The following GAD2 variants were observed in gnomAD, a reference collection of about 807,000 sequenced individuals.
GAD2 encodes the protein 65 kDa glutamic acid decarboxylase.
A neutral mutation model predicts 80.1 loss-of-function variants in GAD2; 22 were observed. That is an observed-to-expected ratio of 0.27 (90% CI 0.20 to 0.39). The LOEUF (loss-of-function observed/expected upper bound fraction) is 0.39. Among genes scored for constraint, GAD2 ranks in the 10% least tolerant of loss-of-function variants. The probability of loss-of-function intolerance (pLI) is 1.00; values close to 1 mark genes in which losing one functional copy is unlikely to be tolerated. For synonymous variants in GAD2, 274 were observed against 256.9 expected, an observed-to-expected ratio of 1.07 and a Z score of -0.64; for missense variants, 624 against 738.4, an observed-to-expected ratio of 0.85 and a Z score of 1.80.
At chr10:26,245,680 G>A (rs113180693) in intron 7 of GAD2, among the ~76,000 whole-genome samples, 2 of 151,982 alleles carry the variant, frequency 1.3e-5, no homozygotes, top group Non-Finnish European at 2.9e-5. Context: ...CTGACCTTGT[G>A]ATCTGCCTGC....
At chr10:26,296,305 G>A (rs1834272889) in intron 15 of GAD2, among the ~76,000 whole-genome samples, 1 of 152,142 alleles carries the variant, frequency 6.6e-6, no homozygotes, top group Non-Finnish European at 1.5e-5. Context: ...TCAGTCTATA[G>A]CAAATACCTT....
Position 26,298,805 on chromosome 10 carries a change from A to G in GAD2, c.1585-1983A>G, listed in dbSNP as rs117711432. Among the ~76,000 whole-genome samples, 1,417 of 152,326 alleles carry G rather than the reference A, an allele frequency of 9.3e-3. 15 individuals carry two copies. The highest frequency in any genetic ancestry group is 0.016 in the Non-Finnish European group (1,079 of 68,026). On this transcript the variant is annotated intron_variant, in intron 15 of 15. Coordinates refer to ENST00000376261, the MANE Select transcript of GAD2 (RefSeq NM_001134366.2). ...TGAGATTTATCTTCGCAGGAACCAC[A>G]TTGACTTGACACGCCTCACAACACA...
chr10:26,220,286 A>G (rs1004936714), intron 4 of GAD2, among the ~76,000 whole-genome samples: 11 of 152,206 alleles, frequency 7.2e-5, no homozygotes, highest in African/African-American at 2.7e-4. Context: ...AAAAAATGTG[A>G]AATATGACAT....
intron 3 of GAD2, 65 bp from the exon 4 acceptor site, chr10:26,218,978 C>T: frequency 4.0e-6 from 5 of 1,245,854 alleles, no homozygotes; most frequent in South Asian, 1.7e-5. Context: ...ATTGCCTCAT[C>T]AAGATCTTGC....
chr10:26,284,628 G>A (rs11594128), intron 12 of GAD2, among the ~76,000 whole-genome samples: 32,444 of 143,924 alleles, frequency 0.23, 3,936 homozygotes, highest in African/African-American at 0.32. Flanking sequence ...CTGAAGTGCA[G>A]TGATGTGATC....
chr10:26,299,249 G>A (rs1356819576), intron 15 of GAD2, among the ~76,000 whole-genome samples: 2 of 152,192 alleles, frequency 1.3e-5, no homozygotes, highest in African/African-American at 4.8e-5. Flanking sequence ...ATAAACCAAT[G>A]ATTATTTAAG....
intron 4 of GAD2, among the ~76,000 whole-genome samples, chr10:26,221,329 G>T (rs565027241): frequency 6.6e-6 from 1 of 152,358 alleles, no homozygotes; most frequent in East Asian, 1.9e-4. Flanking sequence ...GCTTAGAGAG[G>T]AGTGAAGGGC....
intron 12 of GAD2, among the ~76,000 whole-genome samples, chr10:26,281,497 C>G (rs1845271720): frequency 6.6e-6 from 1 of 151,956 alleles, no homozygotes; most frequent in Non-Finnish European, 1.5e-5. Flanking sequence ...GTGGTAGGAT[C>G]CAGATACATA....
In GAD2 at chr10:26,229,890, T is replaced by C. The variant is rs1844577841; in HGVS notation, c.840+113T>C. ...GAGGCCCTCTTTCTGGAAGACACCTTGGGAGGGAATGGGGGAGAAAGCTGA... is the reference window on the plus strand; with the variant it reads ...GAGGCCCTCTTTCTGGAAGACACCTCGGGAGGGAATGGGGGAGAAAGCTGA... On this transcript the variant is annotated intron_variant, in intron 7 of 15. Transcript: ENST00000376261. The C allele has an allele frequency of 5.6e-6, 4 of 719,876 alleles. No homozygotes were observed. In the Admixed American group the frequency reaches 9.6e-5, roughly 17 times the overall value. 44.6% of individuals were successfully genotyped at this position (719,876 alleles called of 1,614,324 possible). A position where few individuals can be genotyped will look rare whatever the true frequency, so the allele number is the denominator to read the frequency against.
chr10:26,276,635 G>T (rs774155100), intron 11 of GAD2, among the ~76,000 whole-genome samples: 1 of 152,116 alleles, frequency 6.6e-6, no homozygotes, highest in Admixed American at 6.6e-5. Flanking sequence ...TGATCCGCTC[G>T]CCTCGGCCTC....
chr10:26,271,310 G>A (rs554035221), intron 10 of GAD2, among the ~76,000 whole-genome samples: 3 of 152,246 alleles, frequency 2.0e-5, no homozygotes, highest in South Asian at 2.1e-4. Context: ...TATTTGAAAC[G>A]TTTTGACTTC....
At chr10:26,298,603 G>A (rs1300897107) in intron 15 of GAD2, among the ~76,000 whole-genome samples, 1 of 152,094 alleles carries the variant, frequency 6.6e-6, no homozygotes, top group Non-Finnish European at 1.5e-5. Context: ...CTGTATTTTT[G>A]CTTGGATTAC....
At chr10:26,285,844 A>G (rs1300791809) in intron 12 of GAD2, among the ~76,000 whole-genome samples, 1 of 151,930 alleles carries the variant, frequency 6.6e-6, no homozygotes, top group Admixed American at 6.6e-5. Flanking sequence ...TTCCAAAGGG[A>G]GCTCAAACTC....
At chr10:26,278,932 A>G (rs3781112) in intron 11 of GAD2, among the ~76,000 whole-genome samples, 57,306 of 151,624 alleles carry the variant, frequency 0.38, 12,668 homozygotes, top group African/African-American at 0.62. Flanking sequence ...TCCCAAGGCC[A>G]TCACACCCGA....
At chr10:26,221,239 CAA>C (rs1324588401) in intron 4 of GAD2, among the ~76,000 whole-genome samples, 9 of 152,158 alleles carry the variant, frequency 5.9e-5, no homozygotes, top group African/African-American at 1.7e-4. Context: ...TAATACTCCT[CAA>C]GAGATTATTT....
intron 6 of GAD2, among the ~76,000 whole-genome samples, chr10:26,225,452 G>A (rs923125172): frequency 7.2e-5 from 11 of 152,166 alleles, no homozygotes; most frequent in African/African-American, 2.7e-4. Context: ...AAAGAAACCC[G>A]ATGTGCAGAC....
At chr10:26,278,001 T>A (rs1014562726) in intron 11 of GAD2, among the ~76,000 whole-genome samples, 11 of 151,574 alleles carry the variant, frequency 7.3e-5, no homozygotes, top group African/African-American at 9.8e-5. Flanking sequence ...TTTTTTTTTT[T>A]AAATAAATTG....
intron 8 of GAD2, among the ~76,000 whole-genome samples, chr10:26,248,810 G>GA (rs149570302): frequency 0.066 from 9,867 of 150,606 alleles, 402 homozygotes; most frequent in Non-Finnish European, 0.091. Context: ...TTTGCAATCA[G>GA]AAAAAAAAAT....
At chr10:26,285,057 G>A (rs1054011011) in intron 12 of GAD2, among the ~76,000 whole-genome samples, 2 of 152,172 alleles carry the variant, frequency 1.3e-5, no homozygotes, top group Non-Finnish European at 2.9e-5. Context: ...CCAAATAAAA[G>A]TGAGTGTTGC....
Sources: allele counts gnomAD v4.1 joint callset (sites outside exome capture counted in the v4.1 genomes callset), GRCh38; gene constraint gnomAD v4.1.1; transcripts MANE v1.5; gene names NCBI Gene and HGNC (gene_info 2026-07-23, HGNC 2026-07-21).